The following CPT1A variants were observed in gnomAD, a reference collection of about 807,000 sequenced individuals.
CPT1A encodes carnitine O-palmitoyltransferase 1, liver isoform.
A neutral mutation model predicts 100.8 loss-of-function variants in CPT1A; 64 were observed. The ratio of observed to expected loss-of-function variants is 0.63; its 90% CI spans 0.52 to 0.78. The LOEUF (loss-of-function observed/expected upper bound fraction) is 0.78, where lower values mean the gene tolerates loss of function less well. CPT1A is among the 30% of genes least tolerant of loss of function. The pLI is 0.00. For synonymous variants in CPT1A, 363 were observed against 396.0 expected (o/e 0.92, Z 0.99); for missense variants, 802 against 1,034.1 (o/e 0.78, Z 3.08).
At chr11:68,826,408 T>C (rs1856730630) in intron 1 of CPT1A, among the ~76,000 whole-genome samples, 1 of 148,786 alleles carries the variant, frequency 6.7e-6, no homozygotes. Flanking sequence ...ACCAGGCCAC[T>C]GCACTCCTAG....
At chr11:68,785,959 C>T (rs1374000419) in intron 9 of CPT1A, 2 of 700,364 alleles carry the variant, frequency 2.9e-6, no homozygotes, top group African/African-American at 3.5e-5. Context: ...AGTACGTTCA[C>T]TCCACGAATA....
At chr11:68,795,324 A>G (rs906184361) in intron 7 of CPT1A, among the ~76,000 whole-genome samples, 1 of 152,180 alleles carries the variant, frequency 6.6e-6, no homozygotes, top group Non-Finnish European at 1.5e-5. Context: ...AAATGTCTGC[A>G]TTTTCCACAA....
chr11:68,839,542 T>C, intron 1 of CPT1A: 1 of 985,322 alleles, frequency 1.0e-6, no homozygotes, highest in Non-Finnish European at 1.2e-6. Context: ...GCGGGAGAAA[T>C]GCAACGCACC....
chr11:68,790,815 ATTTTT>A (rs1855594659), intron 9 of CPT1A, among the ~76,000 whole-genome samples: 1 of 151,816 alleles, frequency 6.6e-6, no homozygotes, highest in African/African-American at 2.4e-5. Flanking sequence ...GATTTATTTT[ATTTTT>A]ATTTCATATA....
At chr11:68,814,497 CG>C (rs1302304571) in intron 2 of CPT1A, among the ~76,000 whole-genome samples, 2 of 151,692 alleles carry the variant, frequency 1.3e-5, no homozygotes, top group East Asian at 3.9e-4. Context: ...TTAGTAGAGA[CG>C]GGGGTTTCAC....
upstream of CPT1A, among the ~76,000 whole-genome samples, chr11:68,842,644 G>T (rs1027987571): frequency 2.0e-5 from 3 of 152,170 alleles, no homozygotes; most frequent in African/African-American, 7.2e-5. Context: ...CCAGCGTCAA[G>T]AACATAATAG....
chr11:68,809,137 C>G (rs1856127416), intron 3 of CPT1A, among the ~76,000 whole-genome samples: 1 of 152,044 alleles, frequency 6.6e-6, no homozygotes, highest in African/African-American at 2.4e-5. Context: ...CTTTCTATAA[C>G]CCGTGAAATC....
At chr11:68,774,804 A>T (rs1470787887) in intron 13 of CPT1A, among the ~76,000 whole-genome samples, 1 of 151,446 alleles carries the variant, frequency 6.6e-6, no homozygotes, top group African/African-American at 2.4e-5. Flanking sequence ...AAAAAAGAAA[A>T]AGAAAATGGT....
rs568130612 is a variant in CPT1A at position 68,783,680 on chromosome 11, G to C, written c.1163+1135C>G. On this transcript the variant is annotated intron_variant, in intron 10 of 18. Coordinates refer to ENST00000265641, the MANE Select transcript of CPT1A (RefSeq NM_001876.4). ...GCTGGGCAATGTCTGCGACACTTCTGGTTGTCACACAGGTTGCTGCTGGCA... is the reference window on the plus strand; with the variant it reads ...GCTGGGCAATGTCTGCGACACTTCTCGTTGTCACACAGGTTGCTGCTGGCA... Among the ~76,000 whole-genome samples, 10 of 152,308 alleles carry C rather than the reference G, an allele frequency of 6.6e-5. No homozygotes were observed. The South Asian group carries it at 1.7e-3, about 25-fold the overall frequency.
chr11:68,794,969 A>G, intron 7 of CPT1A, 58 bp from the exon 8 acceptor site: 2 of 1,290,456 alleles, frequency 1.5e-6, no homozygotes, highest in Non-Finnish European at 2.3e-6. Context: ...AAATTTAAAT[A>G]ATCACAGCAC....
At chr11:68,835,727 C>T (rs980664659) in intron 1 of CPT1A, among the ~76,000 whole-genome samples, 1 of 152,218 alleles carries the variant, frequency 6.6e-6, no homozygotes, top group African/African-American at 2.4e-5. Context: ...TGGGGGCCTC[C>T]AAAACCCAGG....
intron 1 of CPT1A, among the ~76,000 whole-genome samples, chr11:68,815,913 A>G (rs1856375711): frequency 6.8e-6 from 1 of 147,714 alleles, no homozygotes; most frequent in Non-Finnish European, 1.5e-5. Flanking sequence ...CCAAGCCAGC[A>G]TCCAGGCCCG....
rs1207360013 is a variant in CPT1A, at chr11:68,793,400, A to C, written c.882T>G (p.Ile294Met). The change falls in exon 9 of 19, where the codon ATT becomes ATG. Residue 294 changes from isoleucine (I) to methionine (M), a missense_variant and splice_region_variant. By Grantham distance (10) the Ile-to-Met change is conservative. Coordinates refer to ENST00000265641, the MANE Select transcript of CPT1A (RefSeq NM_001876.4). The part of the protein sequence containing the change: ...RKLDREEIKP[I>M]RLLGSTIPLC... ...GTGGAATCGTGGATCCCAAAAGACG[A>C]ATCTGTAACAAAAATATATTTCAAA... The C allele has an allele frequency of 6.2e-7, 1 of 1,608,082 alleles. No individual in the cohort carries two copies. Among genetic ancestry groups the C allele is most frequent in the East Asian group, 2.2e-5 (1 of 44,782 alleles).
In CPT1A at chr11:68,841,071, C is replaced by A. The variant is rs1250903888; in HGVS notation, c.-14+704G>T. Among the ~76,000 whole-genome samples, 1 of 152,264 alleles carries A rather than the reference C, an allele frequency of 6.6e-6. No homozygotes were observed. Among genetic ancestry groups the A allele is most frequent in the East Asian group, 1.9e-4 (1 of 5,196 alleles). ...TGGAGTCCCTGCGCCAAGGGCGTGTCCCGACGGCTGCACCGCGAGGGCGGG... is the reference window on the plus strand; with the variant it reads ...TGGAGTCCCTGCGCCAAGGGCGTGTACCGACGGCTGCACCGCGAGGGCGGG... On this transcript the variant is annotated intron_variant, in intron 1 of 18. Coordinates refer to ENST00000265641, the MANE Select transcript of CPT1A (RefSeq NM_001876.4). The surrounding 1 kb of genome is among the most constrained non-coding windows in gnomAD (Gnocchi z 6.3).
Position 68,839,468 on chromosome 11 carries a change from C to T in CPT1A, c.-14+2307G>A, listed in dbSNP as rs1239758618. 3.1e-6 allele frequency: 3 copies of T among 975,880 alleles called. No individual in the cohort carries two copies. The African/African-American group carries it at 5.3e-5, about 17-fold the overall frequency. 60.5% of individuals were successfully genotyped at this position (975,880 alleles called of 1,614,324 possible). On this transcript the variant is annotated intron_variant, in intron 1 of 18. Coordinates refer to ENST00000265641, the MANE Select transcript of CPT1A (RefSeq NM_001876.4). ...CCAGGCGCTCGGATCCTGTTCCACC[C>T]GCCGTGCCCACAGAGACCTTCCGGA...
At position 68,816,771 on chromosome 11, in the gene CPT1A, TGTGTGTGTG is replaced by T. The variant is rs1291912454; in HGVS notation, c.-13-1293_-13-1285del. On this transcript the variant is annotated intron_variant, in intron 1 of 18. Coordinates refer to ENST00000265641, the MANE Select transcript of CPT1A (RefSeq NM_001876.4). ...CCAAAAACTCGTGTGTGTGTGTGTG[TGTGTGTGTG>T]GTGTGTGTGTGTATACGTGTGTGTG... Among the ~76,000 whole-genome samples, 10 of 83,698 alleles carry T rather than the reference TGTGTGTGTG, an allele frequency of 1.2e-4. No individual in the cohort carries two copies. The East Asian group carries it at 2.6e-3, about 22-fold the overall frequency. 54.9% of individuals were successfully genotyped at this position (83,698 alleles called of 152,430 possible). A position where few individuals can be genotyped will look rare whatever the true frequency, so the allele number is the denominator to read the frequency against.
At chr11:68,808,285 A>C (rs1253242268) in intron 3 of CPT1A, among the ~76,000 whole-genome samples, 1 of 152,226 alleles carries the variant, frequency 6.6e-6, no homozygotes, top group African/African-American at 2.4e-5. Flanking sequence ...TAAATATTCA[A>C]CTTAAATACA....
At chr11:68,823,666 G>C (rs1413362391) in intron 1 of CPT1A, among the ~76,000 whole-genome samples, 1 of 152,050 alleles carries the variant, frequency 6.6e-6, no homozygotes, top group Non-Finnish European at 1.5e-5. Context: ...GTGCATGCCT[G>C]TAATCCCAGC....
At chr11:68,816,426 A>AT (rs1029525885) in intron 1 of CPT1A, among the ~76,000 whole-genome samples, 2 of 152,178 alleles carry the variant, frequency 1.3e-5, no homozygotes, top group African/African-American at 2.4e-5. Flanking sequence ...GGCTAAACGG[A>AT]TCCCGGGGCG....
Sources: allele counts gnomAD v4.1 joint callset (sites outside exome capture counted in the v4.1 genomes callset), GRCh38; gene constraint gnomAD v4.1.1; non-coding constraint Gnocchi (gnomAD v3.1); transcripts MANE v1.5; gene names NCBI Gene and HGNC (gene_info 2026-07-23, HGNC 2026-07-21).